The following ZNF10 variants were observed in gnomAD, a reference collection of about 807,000 sequenced individuals.
ZNF10 encodes the protein zinc finger protein 10.
Under a neutral mutation model 12.2 loss-of-function variants are expected in ZNF10, and 8 were observed. The ratio of observed to expected loss-of-function variants is 0.66; its 90% CI spans 0.39 to 1.18. The LOEUF is 1.18. ZNF10 is among the 50% of genes most tolerant of loss of function. The pLI is 0.01. For synonymous variants in ZNF10, 229 were observed against 228.2 expected (o/e 1.00, Z -0.03); for missense variants, 603 against 678.9 (o/e 0.89, Z 1.24).
chr12:133,145,730 G>T (rs1955971657), intron 2 of ZNF10, among the ~76,000 whole-genome samples: 1 of 152,106 alleles, frequency 6.6e-6, no homozygotes, highest in East Asian at 1.9e-4. Context: ...GCTTGAACCC[G>T]GGAGGCGGAG....
intron 1 of ZNF10, among the ~76,000 whole-genome samples, chr12:133,142,043 GA>G (rs1156946506): frequency 1.3e-5 from 2 of 151,876 alleles, no homozygotes; most frequent in African/African-American, 2.4e-5. Context: ...AGTACTGAAA[GA>G]AAAAAATAAC....
intron 1 of ZNF10, among the ~76,000 whole-genome samples, chr12:133,141,129 G>A (rs1188319713): frequency 6.6e-6 from 1 of 152,122 alleles, no homozygotes; most frequent in African/African-American, 2.4e-5. Context: ...TATCAAGAAG[G>A]TCTTGCTTCA....
chr12:133,151,338 A>C (rs1956006176), intron 3 of ZNF10, among the ~76,000 whole-genome samples, 184 bp downstream of exon 3: 1 of 152,162 alleles, frequency 6.6e-6, no homozygotes, highest in Non-Finnish European at 1.5e-5. Context: ...TTGAAGTTTT[A>C]AAAATGCCTC....
chr12:133,149,125 A>G (rs965270743), intron 2 of ZNF10, among the ~76,000 whole-genome samples: 3 of 142,388 alleles, frequency 2.1e-5, no homozygotes, highest in Non-Finnish European at 4.6e-5. Flanking sequence ...GCAGGGTCTC[A>G]TTGTTGCCCA....
intron 1 of ZNF10, among the ~76,000 whole-genome samples, chr12:133,142,384 T>G (rs1249439263): frequency 7.2e-6 from 1 of 138,032 alleles, no homozygotes; most frequent in Non-Finnish European, 1.5e-5. Context: ...CACTCCAACC[T>G]GGGTGACAGA....
rs372922805 is a variant in ZNF10 at position 133,156,972 on chromosome 12, A to G, written c.*4A>G. 3.5e-6 allele frequency: 5 copies of G among 1,411,794 alleles called. No homozygotes were observed. The highest frequency in any genetic ancestry group is 2.9e-5 in the African/African-American group (2 of 68,622). 87.5% of individuals were successfully genotyped at this position (1,411,794 alleles called of 1,614,324 possible). A position where few individuals can be genotyped will look rare whatever the true frequency, so the allele number is the denominator to read the frequency against. On this transcript the variant is annotated 3_prime_UTR_variant, in exon 5 of 5. Coordinates refer to ENST00000248211, the MANE Select transcript of ZNF10 (RefSeq NM_015394.5). Reference sequence around the variant, plus strand: ...TATTAGAGAAAATGCTTACTAATAAATATGGGAATTTTTCACAAAGAGCAA... The same window carrying G: ...TATTAGAGAAAATGCTTACTAATAAGTATGGGAATTTTTCACAAAGAGCAA...
chr12:133,140,920 G>A (rs543051188), intron 1 of ZNF10, among the ~76,000 whole-genome samples: 9 of 146,966 alleles, frequency 6.1e-5, no homozygotes, highest in African/African-American at 2.3e-4. Context: ...TCTCCCTCAA[G>A]TATTCAGCAG....
chr12:133,140,053 A>AT (rs1166925307), intron 1 of ZNF10, among the ~76,000 whole-genome samples: 3 of 151,696 alleles, frequency 2.0e-5, no homozygotes, highest in Non-Finnish European at 4.4e-5. Flanking sequence ...AAATTTAAAG[A>AT]TTAGCTGAGT....
chr12:133,154,036 T>G (rs542685007), intron 4 of ZNF10, among the ~76,000 whole-genome samples: 1 of 152,050 alleles, frequency 6.6e-6, no homozygotes, highest in Admixed American at 6.5e-5. Flanking sequence ...TCATAACTAA[T>G]TACATCTGGA....
At chr12:133,136,176 A>T (rs1955910348) in intron 1 of ZNF10, among the ~76,000 whole-genome samples, 1 of 150,078 alleles carries the variant, frequency 6.7e-6, no homozygotes, top group Non-Finnish European at 1.5e-5. Context: ...CAGAGATTTG[A>T]CCCCATCCTT....
chr12:133,153,359 TTACATAA>T (rs1162401522), intron 4 of ZNF10, among the ~76,000 whole-genome samples: 1 of 152,168 alleles, frequency 6.6e-6, no homozygotes, highest in Non-Finnish European at 1.5e-5. Flanking sequence ...CATGGTTGTA[TTACATAA>T]TATGTGGAAG....
Position 133,147,219 on chromosome 12 carries a change from A to G in ZNF10, c.33+2694A>G, listed in dbSNP as rs147006678. ...AAATAAAGCCCTTTCTCAGGTTTAT[A>G]CATTTGCATACAGGTTTTTGTGTGG... is the stretch of plus-strand genomic sequence containing the variant. On this transcript the variant is annotated intron_variant, in intron 2 of 4. Transcript: ENST00000248211. Among the ~76,000 whole-genome samples the G allele has an allele frequency of 9.5e-4, 145 of 152,350 alleles. No individual in the cohort carries two copies. In the Middle Eastern group the frequency reaches 0.014, roughly 14 times the overall value.
chr12:133,138,025 A>G (rs908861139), intron 1 of ZNF10, among the ~76,000 whole-genome samples: 7 of 143,126 alleles, frequency 4.9e-5, no homozygotes, highest in Non-Finnish European at 1.5e-5. Context: ...CTATACATTC[A>G]TTTGTACCAG....
intron 2 of ZNF10, among the ~76,000 whole-genome samples, chr12:133,148,016 T>C (rs1955986084): frequency 6.6e-6 from 1 of 152,176 alleles, no homozygotes; most frequent in African/African-American, 2.4e-5. Context: ...TTGCAAATAT[T>C]ATTTCCTGGT....
At chr12:133,131,707 G>A (rs1307810846) in intron 1 of ZNF10, among the ~76,000 whole-genome samples, 1 of 152,204 alleles carries the variant, frequency 6.6e-6, no homozygotes. Context: ...TGGATGGTAA[G>A]TTGCACACGC....
chr12:133,139,557 A>G (rs895039198), intron 1 of ZNF10, among the ~76,000 whole-genome samples: 4 of 152,226 alleles, frequency 2.6e-5, no homozygotes, highest in Non-Finnish European at 5.9e-5. Context: ...TGTGTTTTAC[A>G]GAGATGATGT....
chr12:133,143,978 C>G (rs1955961037), intron 1 of ZNF10: 1 of 152,376 alleles, frequency 6.6e-6, no homozygotes, highest in Non-Finnish European at 1.5e-5. Context: ...CTGCTGGAGC[C>G]TGCCATGTTC....
At chr12:133,149,478 C>T (rs1955995633) in intron 2 of ZNF10, among the ~76,000 whole-genome samples, 1 of 151,088 alleles carries the variant, frequency 6.6e-6, no homozygotes, top group South Asian at 2.1e-4. Flanking sequence ...TCACCTTAGC[C>T]TCCCGAGTAG....
chr12:133,142,325 G>T (rs1955949844), intron 1 of ZNF10, among the ~76,000 whole-genome samples: 1 of 150,796 alleles, frequency 6.6e-6, no homozygotes, highest in Admixed American at 6.6e-5. Flanking sequence ...CACAAGAATT[G>T]CTTGAACCTG....
Sources: allele counts gnomAD v4.1 joint callset (sites outside exome capture counted in the v4.1 genomes callset), GRCh38; gene constraint gnomAD v4.1.1; transcripts MANE v1.5; gene names NCBI Gene and HGNC (gene_info 2026-07-23, HGNC 2026-07-21).